The following TERF2 variants were observed in gnomAD, a reference collection of about 807,000 sequenced individuals.
TERF2 encodes telomeric repeat-binding factor 2.
Under a neutral mutation model 56.1 loss-of-function variants are expected in TERF2, and 16 were observed. That is an observed-to-expected ratio of 0.29 (90% CI 0.19 to 0.43). The LOEUF (loss-of-function observed/expected upper bound fraction) is 0.43, where lower values mean the gene tolerates loss of function less well. Among genes scored for constraint, TERF2 ranks in the 20% least tolerant of loss-of-function variants. The pLI, the probability that TERF2 is intolerant of heterozygous loss-of-function variation, is 1.00. For synonymous variants in TERF2, 296 were observed against 282.1 expected, an observed-to-expected ratio of 1.05 and a Z score of -0.50; for missense variants, 547 against 712.9, an observed-to-expected ratio of 0.77 and a Z score of 2.65.
At chr16:69,358,550 TAC>T (rs769710918) in intron 8 of TERF2, among the ~76,000 whole-genome samples, 1 of 152,260 alleles carries the variant, frequency 6.6e-6, no homozygotes, top group Non-Finnish European at 1.5e-5. Flanking sequence ...TATGTATATA[TAC>T]AGTCATATGT....
chr16:69,384,561 T>C lies in TERF2; in HGVS notation c.606+19A>G, dbSNP rs773826685. ...TTGATTTTTGGTCAAAGAAAAAAGA[T>C]ATAAAAATAGAGCCTTACAGCTTCC... On this transcript the variant is annotated intron_variant, in intron 3 of 9. Transcript: ENST00000254942. The C allele has an allele frequency of 3.7e-6, 6 of 1,608,362 alleles. No individual in the cohort carries two copies. The highest frequency in any genetic ancestry group is 3.3e-5 in the South Asian group (3 of 90,388).
chr16:69,376,692 A>G (rs1489825791), intron 3 of TERF2, among the ~76,000 whole-genome samples: 1 of 109,458 alleles, frequency 9.1e-6, no homozygotes, highest in Non-Finnish European at 1.7e-5. Context: ...CATCTTTACC[A>G]AAAAAAAAAA....
intron 3 of TERF2, among the ~76,000 whole-genome samples, chr16:69,372,584 G>A (rs559794712): frequency 2.6e-5 from 4 of 152,122 alleles, no homozygotes; most frequent in Non-Finnish European, 5.9e-5. Flanking sequence ...CCAACATGGA[G>A]AAACCCCATC....
Position 69,385,912 on chromosome 16 carries a change from T to C in TERF2, c.60A>G (p.Pro20=). The C allele has an allele frequency of 7.2e-7, 1 of 1,392,656 alleles. No homozygotes were observed. The highest frequency in any genetic ancestry group is 9.3e-7 in the Non-Finnish European group (1 of 1,072,628). The allele number at this position is 1,392,656 out of a possible 1,614,324, so 86.3% of individuals were successfully genotyped here. A position where few individuals can be genotyped will look rare whatever the true frequency, so the allele number is the denominator to read the frequency against. Residue 20 remains proline, a synonymous_variant, in exon 1 of 10, where the codon CCA becomes CCG. Transcript: ENST00000254942. Reference sequence around the variant, plus strand: ...GCCGCTTCCTCGGCTGTGACGCCGCTGGGTCACGCACGACGCCCGGGCCGG... The same window carrying C: ...GCCGCTTCCTCGGCTGTGACGCCGCCGGGTCACGCACGACGCCCGGGCCGG... The part of the protein sequence containing the change: ...PASGPGVVRD[P]AASQPRKRPG...
chr16:69,359,697 T>G (rs2013059494), intron 8 of TERF2, among the ~76,000 whole-genome samples: 1 of 118,926 alleles, frequency 8.4e-6, no homozygotes, highest in African/African-American at 3.2e-5. Flanking sequence ...CTCAGCTCAC[T>G]GCAACCTCCG....
chr16:69,385,338 A>T, intron 2 of TERF2, 53 bp downstream of exon 2: 1 of 1,500,342 alleles, frequency 6.7e-7, no homozygotes, highest in Non-Finnish European at 9.3e-7. Flanking sequence ...TATAAGTTTT[A>T]AAACAAAACC....
At chr16:69,373,921 T>C (rs1341419069) in intron 3 of TERF2, among the ~76,000 whole-genome samples, 1 of 152,210 alleles carries the variant, frequency 6.6e-6, no homozygotes. Context: ...AGGGGAAGAA[T>C]AGCAAGGAAA....
At chr16:69,360,097 T>G (rs1022766655) in intron 8 of TERF2, among the ~76,000 whole-genome samples, 1 of 151,746 alleles carries the variant, frequency 6.6e-6, no homozygotes, top group Admixed American at 6.6e-5. Context: ...TTTATAGAAG[T>G]ACAATTTGGG....
Position 69,366,855 on chromosome 16 carries a change from G to A in TERF2, c.1292C>T (p.Ser431Phe). The stretch of plus-strand genomic sequence containing the variant: ...GGGTTGGTTGAGAACGGTGGGCTTG[G>A]ATGGTGGCGCTGAAGCGGCCTCCTG... ...SSQEAASAPP[S>F]KPTVLNQPLP... is the part of the protein sequence containing the mutation. The change falls in exon 7 of 10, where the codon TCC (serine) becomes TTC (phenylalanine). Residue 431 changes from serine to phenylalanine, a missense_variant. By Grantham distance (155) the Ser-to-Phe change is radical. Coordinates refer to ENST00000254942, the MANE Select transcript of TERF2 (RefSeq NM_005652.5). 1 of 1,614,168 alleles carries A rather than the reference G, an allele frequency of 6.2e-7. No homozygotes were observed. The highest frequency in any genetic ancestry group is 8.5e-7 in the Non-Finnish European group (1 of 1,180,050).
chr16:69,371,519 A>AG (rs2013575334), intron 4 of TERF2, among the ~76,000 whole-genome samples: 1 of 149,756 alleles, frequency 6.7e-6, no homozygotes, highest in African/African-American at 2.5e-5. Flanking sequence ...AAAAAAAAAA[A>AG]AAGTATATAG....
chr16:69,360,228 T>C (rs995907260), intron 8 of TERF2, among the ~76,000 whole-genome samples: 1 of 151,170 alleles, frequency 6.6e-6, no homozygotes, highest in Non-Finnish European at 1.5e-5. Flanking sequence ...CTACTAAAAA[T>C]ACAAAAATTA....
rs150701745 is a variant in TERF2, at chr16:69,373,967, C to T, written c.607-1612G>A. Among the ~76,000 whole-genome samples the T allele has an allele frequency of 4.7e-3, 719 of 152,324 alleles. 11 individuals carry two copies. Among genetic ancestry groups the T allele is most frequent in the African/African-American group, 0.015 (644 of 41,570 alleles). ...ACTAATCTGTTGCTTCTATCCTCAACGTGTTAAGCACAGCCATACAGGGCG... is the reference window on the plus strand; with the variant it reads ...ACTAATCTGTTGCTTCTATCCTCAATGTGTTAAGCACAGCCATACAGGGCG... On this transcript the variant is annotated intron_variant, in intron 3 of 9. Transcript: ENST00000254942.
In TERF2 at chr16:69,377,565, A is replaced by T. The variant is rs1056508055; in HGVS notation, c.607-5210T>A. On this transcript the variant is annotated intron_variant, in intron 3 of 9. Transcript: ENST00000254942. ...ATGGTCTCGATCTCTTGACCTCATA[A>T]TCCGCCTGCCTCAGCCTCCCAAAGT... 2.0e-5 allele frequency among the ~76,000 whole-genome samples: 3 copies of T among 152,246 alleles called. No individual in the cohort carries two copies. The South Asian group carries it at 6.2e-4, about 32-fold the overall frequency.
chr16:69,385,242 A>G, intron 2 of TERF2, 149 bp downstream of exon 2: 1 of 665,416 alleles, frequency 1.5e-6, no homozygotes, highest in South Asian at 1.9e-5. Context: ...GAGCCAGTCG[A>G]GCCAGAAAAC....
rs752658280 is a variant in TERF2, at chr16:69,384,717, CA to C, written c.476-8del. 2.8e-5 allele frequency: 45 copies of C among 1,586,758 alleles called. No individual in the cohort carries two copies. In the South Asian group the frequency reaches 5.1e-4, roughly 18 times the overall value. On this transcript the variant is annotated splice_polypyrimidine_tract_variant and splice_region_variant and intron_variant, in intron 2 of 9. Coordinates refer to ENST00000254942, the MANE Select transcript of TERF2 (RefSeq NM_005652.5). ...TCCATATCAAAGGAACAGTCTAGGA[CA>C]AAGCACAGTTTTCATTTTTAAGCTC...
chr16:69,366,717 G>C, intron 7 of TERF2, 90 bp downstream of exon 7: 2 of 1,463,458 alleles, frequency 1.4e-6, no homozygotes, highest in Non-Finnish European at 1.8e-6. Flanking sequence ...GAGTAACTTA[G>C]CTGAAAGTTA....
chr16:69,366,659 T>C (rs1567446661), intron 7 of TERF2, 148 bp downstream of exon 7: 1 of 1,079,734 alleles, frequency 9.3e-7, no homozygotes. Flanking sequence ...ACGTCGTCAC[T>C]GGCCACTCCT....
In TERF2 at chr16:69,358,169, C is replaced by T. The variant is rs973822873; in HGVS notation, c.1427-608G>A. 4.6e-5 allele frequency among the ~76,000 whole-genome samples: 7 copies of T among 152,184 alleles called. No individual in the cohort carries two copies. In the South Asian group the frequency reaches 8.3e-4, roughly 18 times the overall value. ...CTGGGACTACAGGCGCCCACCACTACGCCCGGCTAATTTTTTTGTATTTTT... is the reference window on the plus strand; with the variant it reads ...CTGGGACTACAGGCGCCCACCACTATGCCCGGCTAATTTTTTTGTATTTTT... On this transcript the variant is annotated intron_variant, in intron 8 of 9. Coordinates refer to ENST00000254942, the MANE Select transcript of TERF2 (RefSeq NM_005652.5).
rs549767806 is a variant in TERF2 at position 69,385,856 on chromosome 16, C to T, written c.116G>A (p.Arg39Gln). The stretch of plus-strand genomic sequence containing the variant: ...GCCTCCTCCCGCCATCGTGTCCGAT[C>T]GCCGCGCGCCCTCCCCGCCCTCCCG... ...PGREGGEGAR[R>Q]SDTMAGGGGS... Residue 39 changes from arginine (R) to glutamine (Q), a missense_variant, in exon 1 of 10, where the codon CGA becomes CAA. Arg to Gln is a conservative substitution (Grantham distance 43). Transcript: ENST00000254942. 7.2e-5 allele frequency: 98 copies of T among 1,366,752 alleles called. No individual in the cohort carries two copies. The South Asian group carries it at 1.3e-3, about 19-fold the overall frequency. The allele number at this position is 1,366,752 out of a possible 1,614,324, so 84.7% of individuals were successfully genotyped here.
Sources: allele counts gnomAD v4.1 joint callset (sites outside exome capture counted in the v4.1 genomes callset), GRCh38; gene constraint gnomAD v4.1.1; transcripts MANE v1.5; gene names NCBI Gene and HGNC (gene_info 2026-07-23, HGNC 2026-07-21).